The following ZNF492 variants were observed in gnomAD, a reference collection of about 807,000 sequenced individuals.
ZNF492 encodes zinc finger protein 115 (Y20).
Under a neutral mutation model 6.4 loss-of-function variants are expected in ZNF492, and 3 were observed. The observed-to-expected ratio is 0.47, with a 90% CI of 0.21 to 1.22. The LOEUF (loss-of-function observed/expected upper bound fraction) is 1.22, where lower values mean the gene tolerates loss of function less well. Ranked by LOEUF, ZNF492 falls within the 50% of genes most tolerant of loss-of-function variation. ZNF492 has a pLI of 0.22. For missense variants in ZNF492, 356 were observed against 612.5 expected (o/e 0.58, Z 4.42); for synonymous variants, 112 against 205.3 (o/e 0.55, Z 3.89).
At chr19:22,642,622 C>G (rs555120209) in intron 1 of ZNF492, among the ~76,000 whole-genome samples, 391 of 152,100 alleles carry the variant, frequency 2.6e-3, no homozygotes, top group African/African-American at 7.8e-3. Flanking sequence ...ATCTCCTGAC[C>G]TCGTGATCCA....
intron 3 of ZNF492, among the ~76,000 whole-genome samples, chr19:22,655,814 TTG>T (rs1311878660): frequency 0.022 from 2,251 of 100,634 alleles, 455 homozygotes; most frequent in African/African-American, 0.097. Flanking sequence ...GTTTTTCTTG[TTG>T]TTTTTTTTTT....
chr19:22,657,673 T>A (rs1187169871), intron 3 of ZNF492, among the ~76,000 whole-genome samples: 2 of 152,074 alleles, frequency 1.3e-5, no homozygotes, highest in African/African-American at 4.8e-5. Context: ...AGTTTCATAT[T>A]AACGCATTTT....
At chr19:22,638,087 G>A (rs564291272) in intron 1 of ZNF492, among the ~76,000 whole-genome samples, 17 of 151,894 alleles carry the variant, frequency 1.1e-4, no homozygotes, top group African/African-American at 4.1e-4. Context: ...ACTTGTTTAA[G>A]TTTCTTATAA....
rs1212111880 is a variant in ZNF492, at chr19:22,665,918, C to T, written c.*653C>T. The T allele has an allele frequency of 6.6e-6, 1 of 152,134 alleles. No individual in the cohort carries two copies. The highest frequency in any genetic ancestry group is 1.5e-5 in the Non-Finnish European group (1 of 68,038). 9.4% of individuals were successfully genotyped at this position (152,134 alleles called of 1,614,324 possible). On this transcript the variant is annotated 3_prime_UTR_variant, in exon 4 of 4. Coordinates refer to ENST00000456783, the MANE Select transcript of ZNF492 (RefSeq NM_020855.3). ...AGGCAATGACACTTCAGACTTTACA[C>T]TGAATCAGAGTTCTGAGTTTAGAAA...
At chr19:22,645,203 C>A (rs543352113) in intron 1 of ZNF492, among the ~76,000 whole-genome samples, 37 of 152,036 alleles carry the variant, frequency 2.4e-4, no homozygotes, top group African/African-American at 8.2e-4. Flanking sequence ...CCCACCACCA[C>A]GCCCAGCTAA....
At chr19:22,656,938 T>G (rs1972002528) in intron 3 of ZNF492, among the ~76,000 whole-genome samples, 2 of 152,116 alleles carry the variant, frequency 1.3e-5, no homozygotes, top group South Asian at 4.1e-4. Flanking sequence ...CATTACAGGT[T>G]TGAGTCATGA....
chr19:22,636,512 T>C (rs1045118075), intron 1 of ZNF492, among the ~76,000 whole-genome samples: 1 of 97,100 alleles, frequency 1.0e-5, no homozygotes, highest in Admixed American at 9.5e-5. Context: ...GGACATGATC[T>C]TCTGTGTGTG....
At chr19:22,647,256 T>TG (rs1254691928) in intron 1 of ZNF492, among the ~76,000 whole-genome samples, 2 of 141,088 alleles carry the variant, frequency 1.4e-5, no homozygotes, top group Non-Finnish European at 3.0e-5. Context: ...GTTTGTTTGT[T>TG]GTTGTTTTTT....
At chr19:22,644,226 T>A (rs1309195592) in intron 1 of ZNF492, among the ~76,000 whole-genome samples, 2 of 152,172 alleles carry the variant, frequency 1.3e-5, no homozygotes, top group Non-Finnish European at 2.9e-5. Flanking sequence ...AAAATGGCAT[T>A]CTTAATGATG....
chr19:22,636,941 T>C (rs1971774128), intron 1 of ZNF492, among the ~76,000 whole-genome samples: 1 of 143,214 alleles, frequency 7.0e-6, no homozygotes, highest in South Asian at 2.2e-4. Flanking sequence ...GACCCCATGT[T>C]TTATTTTTAG....
chr19:22,662,179 T>C (rs56247961), intron 3 of ZNF492, among the ~76,000 whole-genome samples: 29,315 of 151,788 alleles, frequency 0.19, 3,652 homozygotes, highest in African/African-American at 0.36. Flanking sequence ...TGAGAACATG[T>C]GGTGTTTGGT....
intron 1 of ZNF492, among the ~76,000 whole-genome samples, chr19:22,648,149 T>A (rs1242673424): frequency 2.0e-5 from 3 of 152,226 alleles, no homozygotes; most frequent in Non-Finnish European, 4.4e-5. Context: ...TTCTAGTATG[T>A]TGTGATTTTG....
At chr19:22,653,888 G>C in intron 2 of ZNF492, 32 bp from the exon 3 acceptor site, 1 of 1,551,680 alleles carries the variant, frequency 6.4e-7, no homozygotes, top group Non-Finnish European at 8.7e-7. Flanking sequence ...TGGAGAATAT[G>C]AGCAAGATTC....
Position 22,655,675 on chromosome 19 carries a change from A to ATTTTTTTTTTTTTTTTT in ZNF492, c.130+1663_130+1679dup, listed in dbSNP as rs201831166. On this transcript the variant is annotated intron_variant, in intron 3 of 3. Coordinates refer to ENST00000456783, the MANE Select transcript of ZNF492 (RefSeq NM_020855.3). The stretch of plus-strand genomic sequence containing the variant: ...ATTTGTCTTCAATTTCAGTGACTTA[A>ATTTTTTTTTTTTTTTTT]TTTTTTTTTTTTTTTTTTTACTTAT... Among the ~76,000 whole-genome samples the ATTTTTTTTTTTTTTTTT allele has an allele frequency of 2.1e-4, 23 of 109,414 alleles. 2 individuals are homozygous for ATTTTTTTTTTTTTTTTT. Among genetic ancestry groups the ATTTTTTTTTTTTTTTTT allele is most frequent in the African/African-American group, 5.3e-4 (13 of 24,592 alleles). The allele number at this position is 109,414 out of a possible 152,430, so 71.8% of individuals were successfully genotyped here.
In ZNF492 at chr19:22,663,842, GC is replaced by G; in HGVS notation, c.174del (p.Asn61IlefsTer6). 2 of 1,551,228 alleles carry G rather than the reference GC, an allele frequency of 1.3e-6. No homozygotes were observed. Reference protein sequence around the residue: ...YFARDLWPKQGKKNYFQKVIL... With the variant: ...YFARDLWPKQXKKNYFQKVIL... ...GCCCGAGACCTTTGGCCAAAGCAGGGCAAAAAAAATTATTTCCAAAAAGTGA... is the reference window on the plus strand; with the variant it reads ...GCCCGAGACCTTTGGCCAAAGCAGGGAAAAAAAATTATTTCCAAAAAGTGA... On this transcript the variant is annotated frameshift_variant, in exon 4 of 4. Transcript: ENST00000456783. LOFTEE classifies it low-confidence loss of function (END_TRUNC).
chr19:22,655,287 TC>T (rs1323804037), intron 3 of ZNF492, among the ~76,000 whole-genome samples: 1 of 146,218 alleles, frequency 6.8e-6, no homozygotes, highest in East Asian at 2.0e-4. Flanking sequence ...AGAGTGAAAC[TC>T]CATCTCAAAA....
chr19:22,654,389 T>C (rs887257386), intron 3 of ZNF492, among the ~76,000 whole-genome samples: 18 of 152,124 alleles, frequency 1.2e-4, no homozygotes, highest in Admixed American at 6.6e-5. Context: ...TTTTACATTA[T>C]GTCCTAAATG....
intron 3 of ZNF492, among the ~76,000 whole-genome samples, chr19:22,659,971 CTG>C (rs1331905222): frequency 6.6e-6 from 1 of 152,074 alleles, no homozygotes; most frequent in Non-Finnish European, 1.5e-5. Flanking sequence ...CAGCCTAAAT[CTG>C]TAAGTTTTAA....
chr19:22,653,152 AAT>A (rs1237551378), intron 1 of ZNF492, among the ~76,000 whole-genome samples, 153 bp from the exon 2 acceptor site: 2 of 152,166 alleles, frequency 1.3e-5, no homozygotes, highest in East Asian at 3.9e-4. Context: ...TGCATTAGAG[AAT>A]ATACTTCTGT....
Sources: allele counts gnomAD v4.1 joint callset (sites outside exome capture counted in the v4.1 genomes callset), GRCh38; gene constraint gnomAD v4.1.1; transcripts MANE v1.5; gene names NCBI Gene and HGNC (gene_info 2026-07-23, HGNC 2026-07-21).